Variants in CCDC174 observed in about 807,000 individuals in gnomAD.
The protein encoded by CCDC174 is coiled-coil domain containing 174, also known as coiled-coil domain-containing protein 174.
In CCDC174, 37 loss-of-function variants were observed where a neutral mutation model predicts 57.1. That is an observed-to-expected ratio of 0.65 (90% CI 0.50 to 0.85). CCDC174 has a LOEUF of 0.85. Ranked by LOEUF, CCDC174 falls within the 40% of genes least tolerant of loss-of-function variation. The pLI is 0.00. For synonymous variants in CCDC174, 182 were observed against 190.2 expected, an observed-to-expected ratio of 0.96 and a Z score of 0.35; for missense variants, 540 against 574.3, an observed-to-expected ratio of 0.94 and a Z score of 0.61.
At chr3:14,652,890 G>A (rs1308242958) in intron 1 of CCDC174, among the ~76,000 whole-genome samples, 1 of 123,432 alleles carries the variant, frequency 8.1e-6, no homozygotes, top group South Asian at 2.9e-4. Context: ...CAACAAGAGC[G>A]AAACTCCGTC....
Position 14,671,089 on chromosome 3 carries a change from T to G in CCDC174, c.1299T>G (p.Pro433=). 6.2e-7 allele frequency: 1 copy of G among 1,614,170 alleles called. No individual in the cohort carries two copies. The highest frequency in any genetic ancestry group is 8.5e-7 in the Non-Finnish European group (1 of 1,180,016). ...CTGACCAGAGCCACGGACCTAGCCC[T>G]GAACATACGTCACCCACTCCTGCCC... ...QCPDQSHGPS[P]EHTSPTPAPD... is the part of the protein sequence containing the mutation. The change falls in exon 11 of 11, where the codon CCT becomes CCG. Residue 433 remains proline, a synonymous_variant. Transcript: ENST00000383794.
At chr3:14,656,250 T>C (rs2124832114) in intron 3 of CCDC174, among the ~76,000 whole-genome samples, 1 of 152,332 alleles carries the variant, frequency 6.6e-6, no homozygotes, top group South Asian at 2.1e-4. Context: ...ATTTCACCAG[T>C]TATCCCAGTA....
At chr3:14,663,763 T>C (rs935071230) in intron 5 of CCDC174, among the ~76,000 whole-genome samples, 2 of 152,240 alleles carry the variant, frequency 1.3e-5, no homozygotes, top group Admixed American at 6.5e-5. Flanking sequence ...AATGTCTTTT[T>C]AAAAATTTTT....
intron 6 of CCDC174, 122 bp from the exon 7 acceptor site, chr3:14,666,683 C>G: frequency 1.3e-6 from 1 of 763,624 alleles, no homozygotes. Context: ...GGTCAGAAGC[C>G]TCTGTAGTTC....
chr3:14,665,059 C>T lies in CCDC174; in HGVS notation c.517C>T (p.Arg173Trp), dbSNP rs201642244. 1.1e-5 allele frequency: 18 copies of T among 1,614,000 alleles called. No homozygotes were observed. The highest frequency in any genetic ancestry group is 6.7e-5 in the Admixed American group (4 of 60,014). ...TTACGTGGACTCTTTGGGGCGTTCC[C>T]GGCGCTGTATGAGAAAGGATTTGCC... ...VDYVDSLGRS[R>W]RCMRKDLPDL... The change falls in exon 6 of 11, where the codon CGG (arginine) becomes TGG (tryptophan). Residue 173 changes from arginine (R) to tryptophan (W), a missense_variant. Coordinates refer to ENST00000383794, the MANE Select transcript of CCDC174 (RefSeq NM_016474.5).
chr3:14,671,550 C>T lies in CCDC174; in HGVS notation c.*356C>T, dbSNP rs150881314. 10 of 188,076 alleles carry T rather than the reference C, an allele frequency of 5.3e-5. No individual in the cohort carries two copies. In the East Asian group the frequency reaches 1.3e-3, roughly 25 times the overall value. 11.7% of individuals were successfully genotyped at this position (188,076 alleles called of 1,614,324 possible). A position where few individuals can be genotyped will look rare whatever the true frequency, so the allele number is the denominator to read the frequency against. On this transcript the variant is annotated 3_prime_UTR_variant, in exon 11 of 11. Transcript: ENST00000383794. ...TTCTTTTCCATTCCTTTTGCAAATC[C>T]GAGCATGCAGGTGTCTTTATTCCAA...
At chr3:14,653,572 C>T (rs2030847851) in intron 1 of CCDC174, among the ~76,000 whole-genome samples, 1 of 152,162 alleles carries the variant, frequency 6.6e-6, no homozygotes, top group African/African-American at 2.4e-5. Flanking sequence ...GCAGCTGTAC[C>T]TGGACCATTA....
Position 14,668,058 on chromosome 3 carries a change from C to A in CCDC174, c.829C>A (p.Gln277Lys). Residue 277 changes from glutamine (Q) to lysine (K), a missense_variant, in exon 9 of 11, where the codon CAG (glutamine) becomes AAG (lysine). Gln to Lys is a moderately conservative substitution (Grantham distance 53). Transcript: ENST00000383794. ...LEMLREQTTD[Q>K]RTKRENIKEK... ...CTGATTTTCTGTTCAGACAACAGAT[C>A]AGAGAACAAAACGAGAAAACATAAA... The A allele has an allele frequency of 1.3e-6, 2 of 1,593,506 alleles. No homozygotes were observed. The highest frequency in any genetic ancestry group is 1.8e-5 in the Admixed American group (1 of 55,950).
intron 1 of CCDC174, among the ~76,000 whole-genome samples, chr3:14,652,272 C>T (rs904600106): frequency 2.6e-5 from 4 of 152,152 alleles, no homozygotes; most frequent in Non-Finnish European, 5.9e-5. Flanking sequence ...GTTTCTCCTC[C>T]ATCCAGGGAC....
intron 1 of CCDC174, among the ~76,000 whole-genome samples, chr3:14,652,455 T>G (rs1238382903): frequency 6.6e-6 from 1 of 152,218 alleles, no homozygotes; most frequent in African/African-American, 2.4e-5. Flanking sequence ...AAACTTGTTC[T>G]AAGTACACAT....
chr3:14,659,448 A>C (rs2124835944), intron 4 of CCDC174, among the ~76,000 whole-genome samples: 1 of 152,200 alleles, frequency 6.6e-6, no homozygotes, highest in Non-Finnish European at 1.5e-5. Flanking sequence ...GCACTTTGGG[A>C]GGCCAAGGCA....
intron 3 of CCDC174, among the ~76,000 whole-genome samples, chr3:14,657,011 A>T (rs1013365366): frequency 1.3e-5 from 2 of 152,226 alleles, no homozygotes; most frequent in Non-Finnish European, 2.9e-5. Context: ...ACCTGTCCCC[A>T]ACAGACCTCA....
rs143341820 is a variant in CCDC174, at chr3:14,652,120, C to T, written c.42+242C>T. Among the ~76,000 whole-genome samples the T allele has an allele frequency of 1.5e-3, 236 of 152,290 alleles. 3 individuals are homozygous for T. The highest frequency in any genetic ancestry group is 0.015 in the Admixed American group (227 of 15,294). ...CGGGCCAGAACCCTCGGACACGGAT[C>T]TGAACCTGGTGTCCCGTGGGTTAGG... On this transcript the variant is annotated intron_variant, in intron 1 of 10. Coordinates refer to ENST00000383794, the MANE Select transcript of CCDC174 (RefSeq NM_016474.5).
chr3:14,659,136 G>A (rs2031049668), intron 4 of CCDC174, among the ~76,000 whole-genome samples: 1 of 152,190 alleles, frequency 6.6e-6, no homozygotes. Flanking sequence ...GCCTGGAAGG[G>A]ACAAACAAGT....
rs947735890 is a variant in CCDC174, at chr3:14,671,383, C to A, written c.*189C>A. 21 of 595,478 alleles carry A rather than the reference C, an allele frequency of 3.5e-5. 1 individual carries two copies. In the South Asian group the frequency reaches 4.5e-4, roughly 13 times the overall value. 36.9% of individuals were successfully genotyped at this position (595,478 alleles called of 1,614,324 possible). A position where few individuals can be genotyped will look rare whatever the true frequency, so the allele number is the denominator to read the frequency against. ...TGGCCACTTGGCTGTTCATTTTATT[C>A]TAAGTGGGATAGGGACATACCTACC... On this transcript the variant is annotated 3_prime_UTR_variant, in exon 11 of 11. Transcript: ENST00000383794.
intron 3 of CCDC174, among the ~76,000 whole-genome samples, chr3:14,656,975 A>T (rs2030979130): frequency 6.6e-6 from 1 of 152,188 alleles, no homozygotes; most frequent in South Asian, 2.1e-4. Context: ...ATATTAGCCC[A>T]TTTGGGGACA....
chr3:14,656,504 CA>C (rs2030964596), intron 3 of CCDC174, among the ~76,000 whole-genome samples: 1 of 152,174 alleles, frequency 6.6e-6, no homozygotes, highest in Non-Finnish European at 1.5e-5. Flanking sequence ...GTGTCCTTCC[CA>C]TTGAATCACA....
In CCDC174 at chr3:14,667,279, T is replaced by G. The variant is rs2031373016; in HGVS notation, c.725-145T>G. ...CTTTTGTGTTTCTTTGGTTTTTTGTTTCTTCGCTTAGCTGTTTTCTTTTTC... is the reference window on the plus strand; with the variant it reads ...CTTTTGTGTTTCTTTGGTTTTTTGTGTCTTCGCTTAGCTGTTTTCTTTTTC... On this transcript the variant is annotated intron_variant, in intron 7 of 10. Transcript: ENST00000383794. 4 of 697,678 alleles carry G rather than the reference T, an allele frequency of 5.7e-6. No homozygotes were observed. The Admixed American group carries it at 1.2e-4, about 20-fold the overall frequency. 43.2% of individuals were successfully genotyped at this position (697,678 alleles called of 1,614,324 possible). A position where few individuals can be genotyped will look rare whatever the true frequency, so the allele number is the denominator to read the frequency against.
At chr3:14,664,896 G>T in intron 5 of CCDC174, 132 bp from the exon 6 acceptor site, 1 of 699,014 alleles carries the variant, frequency 1.4e-6, no homozygotes, top group Admixed American at 2.2e-5. Flanking sequence ...ATCAGTGGTA[G>T]TGGTCTCTGA....
Sources: gnomAD v4.1 joint callset for allele counts (sites outside exome capture counted in the v4.1 genomes callset) on GRCh38, gnomAD v4.1.1 for gene constraint, MANE v1.5 for transcripts, NCBI Gene and HGNC (gene_info 2026-07-23, HGNC 2026-07-21) for gene names.